The following DNM3 variants were observed in gnomAD, a reference collection of about 807,000 sequenced individuals.
DNM3 encodes the protein dynamin-3.
A neutral mutation model predicts 101.6 loss-of-function variants in DNM3; 47 were observed. The ratio of observed to expected loss-of-function variants is 0.46; its 90% confidence interval spans 0.37 to 0.59. The LOEUF (loss-of-function observed/expected upper bound fraction) is 0.59, where lower values mean the gene tolerates loss of function less well. Among genes scored for constraint, DNM3 ranks in the 20% least tolerant of loss-of-function variants. DNM3 has a pLI of 0.00. For synonymous variants in DNM3, 385 were observed against 387.9 expected (o/e 0.99, Z 0.09); for missense variants, 849 against 1,085.7 (o/e 0.78, Z 3.06).
intron 16 of DNM3, among the ~76,000 whole-genome samples, chr1:172,320,514 G>A (rs1030252164): frequency 1.3e-5 from 2 of 152,070 alleles, no homozygotes; most frequent in African/African-American, 4.8e-5. Flanking sequence ...TTCATTCTCA[G>A]CAAACTAACA....
chr1:172,356,655 T>TAA (rs2067467543), intron 17 of DNM3, among the ~76,000 whole-genome samples: 1 of 152,056 alleles, frequency 6.6e-6, no homozygotes. Context: ...ATTATTATAT[T>TAA]AAAGTTTATG....
At chr1:172,399,022 G>C (rs903670661) in intron 20 of DNM3, among the ~76,000 whole-genome samples, 52 of 152,090 alleles carry the variant, frequency 3.4e-4, no homozygotes, top group African/African-American at 1.3e-3. Flanking sequence ...GTCCAAAATG[G>C]AAAGGCTTAC....
intron 8 of DNM3, among the ~76,000 whole-genome samples, chr1:172,042,402 T>G (rs1038118853): frequency 1.3e-5 from 2 of 152,238 alleles, no homozygotes; most frequent in Non-Finnish European, 2.9e-5. Context: ...TTTAAAAATA[T>G]TTCTTAAGCA....
chr1:172,413,573 A>G (rs1243427557), downstream of DNM3, among the ~76,000 whole-genome samples: 1 of 152,206 alleles, frequency 6.6e-6, no homozygotes, highest in African/African-American at 2.4e-5. Context: ...TGAAAGAATG[A>G]CACAACTTTG....
At chr1:172,044,830 TG>T (rs1371851255) in intron 9 of DNM3, among the ~76,000 whole-genome samples, 1 of 152,176 alleles carries the variant, frequency 6.6e-6, no homozygotes, top group Non-Finnish European at 1.5e-5. Context: ...GGAGCAAGAT[TG>T]GGAAAGATTA....
intron 13 of DNM3, among the ~76,000 whole-genome samples, chr1:172,109,353 A>G (rs898713324): frequency 6.6e-6 from 1 of 152,246 alleles, no homozygotes; most frequent in African/African-American, 2.4e-5. Context: ...TCAACTATCT[A>G]TAAATGACTT....
In DNM3 at chr1:171,841,558, GC is replaced by G; in HGVS notation, c.-96del. The G allele has an allele frequency of 6.8e-7, 1 of 1,472,868 alleles. No homozygotes were observed. Among genetic ancestry groups the G allele is most frequent in the South Asian group, 1.3e-5 (1 of 78,448 alleles). 91.2% of individuals were successfully genotyped at this position (1,472,868 alleles called of 1,614,324 possible). A position where few individuals can be genotyped will look rare whatever the true frequency, so the allele number is the denominator to read the frequency against. ...TCTGCGCCAGGACCTGGCTGGCTGA[GC>G]CCGGCGCAGCAGCAGCAGCCAGGGC... On this transcript the variant is annotated 5_prime_UTR_variant, in exon 1 of 21. Coordinates refer to ENST00000627582, the MANE Select transcript of DNM3 (RefSeq NM_015569.5).
At chr1:172,139,779 T>G (rs937972700) in intron 14 of DNM3, 24 of 152,102 alleles carry the variant, frequency 1.6e-4, no homozygotes, top group Admixed American at 1.6e-3. Context: ...TCCAAAAAAT[T>G]AAAACCAGAT....
intron 17 of DNM3, among the ~76,000 whole-genome samples, chr1:172,347,194 G>GC (rs58835347): frequency 0.38 from 55,656 of 147,170 alleles, 11,178 homozygotes; most frequent in African/African-American, 0.55. Flanking sequence ...ACTAGCAGAA[G>GC]CCCCCCCCGC....
At chr1:172,031,221 A>G (rs1189622795) in intron 4 of DNM3, among the ~76,000 whole-genome samples, 1 of 152,242 alleles carries the variant, frequency 6.6e-6, no homozygotes, top group Non-Finnish European at 1.5e-5. Context: ...CTATGTAGCC[A>G]TAAAAAGGAA....
intron 12 of DNM3, among the ~76,000 whole-genome samples, chr1:172,083,867 C>T (rs1267002085): frequency 1.3e-5 from 2 of 152,060 alleles, no homozygotes; most frequent in South Asian, 2.1e-4. Context: ...AATCTTTTGA[C>T]GTAGTCTCTC....
chr1:172,262,616 T>G (rs2062705587), intron 15 of DNM3, among the ~76,000 whole-genome samples: 1 of 152,204 alleles, frequency 6.6e-6, no homozygotes, highest in African/African-American at 2.4e-5. Context: ...TGGTGCTTCC[T>G]GTCACTTCTC....
intron 15 of DNM3, among the ~76,000 whole-genome samples, chr1:172,299,508 T>A (rs1429539793): frequency 6.6e-6 from 1 of 152,212 alleles, no homozygotes; most frequent in Non-Finnish European, 1.5e-5. Flanking sequence ...TAGTACCCAG[T>A]AGGTGGTTTT....
At chr1:172,387,044 G>A in intron 18 of DNM3, 89 bp from the exon 19 acceptor site, 1 of 1,137,986 alleles carries the variant, frequency 8.8e-7, no homozygotes, top group South Asian at 1.4e-5. Context: ...GGTGGACTTT[G>A]TCCAGACTCT....
In DNM3 at chr1:172,412,714, A is replaced by T. The variant is rs1456356631; in HGVS notation, c.*4873A>T. ...AGCTGAAATAAATTATAACATTTGA[A>T]GGACCCCTTTTCCTCATTCTTGTAT... is the stretch of plus-strand genomic sequence containing the variant. On this transcript the variant is annotated 3_prime_UTR_variant, in exon 21 of 21. Transcript: ENST00000627582. 16 of 985,682 alleles carry T rather than the reference A, an allele frequency of 1.6e-5. No homozygotes were observed. Among genetic ancestry groups the T allele is most frequent in the African/African-American group, 1.7e-5 (1 of 57,242 alleles). The allele number at this position is 985,682 out of a possible 1,614,324, so 61.1% of individuals were successfully genotyped here.
Position 172,133,691 on chromosome 1 carries a change from T to C in DNM3, c.1659+2403T>C, listed in dbSNP as rs145166378. Among the ~76,000 whole-genome samples, 355 of 152,202 alleles carry C rather than the reference T, an allele frequency of 2.3e-3. 1 individual carries two copies. Among genetic ancestry groups the C allele is most frequent in the African/African-American group, 8.0e-3 (333 of 41,548 alleles). Reference sequence around the variant, plus strand: ...TAGAAAGTGATAGGGGAGGGGTCTTTAGATTTGGGTGATTGGAAGGAAGTA... The same window carrying C: ...TAGAAAGTGATAGGGGAGGGGTCTTCAGATTTGGGTGATTGGAAGGAAGTA... On this transcript the variant is annotated intron_variant, in intron 14 of 20. Coordinates refer to ENST00000627582, the MANE Select transcript of DNM3 (RefSeq NM_015569.5).
chr1:172,061,548 G>A (rs1241385901), intron 10 of DNM3, among the ~76,000 whole-genome samples: 1 of 151,756 alleles, frequency 6.6e-6, no homozygotes, highest in Non-Finnish European at 1.5e-5. Flanking sequence ...GTCCTTTGTA[G>A]GGACATGGAT....
chr1:172,084,146 C>T (rs1205638968), intron 12 of DNM3, among the ~76,000 whole-genome samples: 1 of 152,066 alleles, frequency 6.6e-6, no homozygotes, highest in African/African-American at 2.4e-5. Context: ...CTCAGCCTTT[C>T]TCTATCTGTT....
chr1:172,187,590 G>A (rs1355822598), intron 14 of DNM3, among the ~76,000 whole-genome samples: 1 of 151,960 alleles, frequency 6.6e-6, no homozygotes, highest in Non-Finnish European at 1.5e-5. Flanking sequence ...ATGGATAGTA[G>A]CCTTATTTTT....
Sources: allele counts gnomAD v4.1 joint callset (sites outside exome capture counted in the v4.1 genomes callset), GRCh38; gene constraint gnomAD v4.1.1; transcripts MANE v1.5; gene names NCBI Gene and HGNC (gene_info 2026-07-23, HGNC 2026-07-21).